Variants in RPS6KA2 observed in about 807,000 individuals in gnomAD.
RPS6KA2 encodes ribosomal protein S6 kinase A2, also known as ribosomal protein S6 kinase alpha-2.
A neutral mutation model predicts 91.8 loss-of-function variants in RPS6KA2; 42 were observed. The observed-to-expected ratio is 0.46, with a 90% CI of 0.36 to 0.59. The LOEUF is 0.59. Ranked by LOEUF, RPS6KA2 falls within the 20% of genes least tolerant of loss-of-function variation. The pLI is 0.00. For missense variants in RPS6KA2, 798 were observed against 978.5 expected, an observed-to-expected ratio of 0.82 and a Z score of 2.46; for synonymous variants, 414 against 393.6, an observed-to-expected ratio of 1.05 and a Z score of -0.61.
At chr6:166,771,671 A>G (rs1210771054) in intron 2 of RPS6KA2, among the ~76,000 whole-genome samples, 1 of 152,174 alleles carries the variant, frequency 6.6e-6, no homozygotes, top group Non-Finnish European at 1.5e-5. Context: ...GAAATATAAG[A>G]GATGAAGGAA....
chr6:166,750,620 C>T (rs965378134), intron 2 of RPS6KA2, among the ~76,000 whole-genome samples: 4 of 152,178 alleles, frequency 2.6e-5, no homozygotes, highest in Admixed American at 6.5e-5. Context: ...GGCTGAGGAC[C>T]GCAGGTGCCA....
At position 166,656,408 on chromosome 6, in the gene RPS6KA2, G is replaced by A. The variant is rs558690234; in HGVS notation, c.124-117624C>T. Among the ~76,000 whole-genome samples the A allele has an allele frequency of 9.6e-4, 146 of 152,302 alleles. 1 individual carries two copies. The South Asian group carries it at 0.027, about 28-fold the overall frequency. ...CGTCTTCCTCTGTGAAGGGTTGGGC[G>A]GGGGTGGAACTCGGTTCACCCCAGG... is the stretch of plus-strand genomic sequence containing the variant. On this transcript the variant is annotated intron_variant, in intron 2 of 21. Coordinates refer to the RPS6KA2 transcript ENST00000503859.
chr6:166,603,035 T>C lies in RPS6KA2; in HGVS notation c.99+23886A>G, dbSNP rs1310079513. ...AGGAACCCATTCTGCTTTCACCCTC[T>C]GGATGAGTTCATTCAAAGACTAAGA... On this transcript the variant is annotated intron_variant, in intron 1 of 20. Transcript: ENST00000265678. This position sits in a 1 kb window ranked among gnomAD's most constrained non-coding sequence, Gnocchi z 4.3. Among the ~76,000 whole-genome samples, 4 of 152,206 alleles carry C rather than the reference T, an allele frequency of 2.6e-5. No individual in the cohort carries two copies. The highest frequency in any genetic ancestry group is 9.6e-5 in the African/African-American group (4 of 41,456).
At position 166,598,673 on chromosome 6, in the gene RPS6KA2, T is replaced by C. The variant is rs532442847; in HGVS notation, c.99+28248A>G. Among the ~76,000 whole-genome samples, 28 of 152,334 alleles carry C rather than the reference T, an allele frequency of 1.8e-4. No individual in the cohort carries two copies. In the South Asian group the frequency reaches 5.2e-3, roughly 28 times the overall value. Reference sequence around the variant, plus strand: ...GCGCCTCTGTTTATACAACATTCTTTCCCGTTGCGTCAGGAATAGGAAGCC... The same window carrying C: ...GCGCCTCTGTTTATACAACATTCTTCCCCGTTGCGTCAGGAATAGGAAGCC... On this transcript the variant is annotated intron_variant, in intron 1 of 20. Coordinates refer to ENST00000265678, the MANE Select transcript of RPS6KA2 (RefSeq NM_021135.6).
intron 2 of RPS6KA2, among the ~76,000 whole-genome samples, chr6:166,685,964 G>A (rs1344381884): frequency 6.6e-6 from 1 of 152,214 alleles, no homozygotes; most frequent in Non-Finnish European, 1.5e-5. Flanking sequence ...GGGACAGAGG[G>A]CGAACGAAGG....
At position 166,775,405 on chromosome 6, in the gene RPS6KA2, C is replaced by T. The variant is rs545889166; in HGVS notation, c.123+82795G>A. On this transcript the variant is annotated intron_variant, in intron 2 of 21. Transcript: ENST00000503859. ...GAGGACACAGCAAGTGAGAACACTCCGAGGCGCGTGCAGCCAATGAAATCC... is the reference window on the plus strand; with the variant it reads ...GAGGACACAGCAAGTGAGAACACTCTGAGGCGCGTGCAGCCAATGAAATCC... 1.9e-4 allele frequency among the ~76,000 whole-genome samples: 29 copies of T among 152,214 alleles called. No individual in the cohort carries two copies. The East Asian group carries it at 5.6e-3, about 29-fold the overall frequency.
Position 166,448,760 on chromosome 6 carries a change from A to G in RPS6KA2, c.1296T>C (p.Cys432=). Residue 432 remains cysteine, a synonymous_variant, in exon 14 of 21, where the codon TGT becomes TGC. Coordinates refer to ENST00000265678, the MANE Select transcript of RPS6KA2 (RefSeq NM_021135.6). The surrounding 1 kb of genome is among the most constrained non-coding windows in gnomAD (Gnocchi z 4.7). Reference sequence around the variant, plus strand: ...ACTCGGTGTCTGTGGCTTTATGCACACATCGCTTGCACACTGAGTAGGAGC... The same window carrying G: ...ACTCGGTGTCTGTGGCTTTATGCACGCATCGCTTGCACACTGAGTAGGAGC... ...GVGSYSVCKR[C]VHKATDTEYA... 1 of 1,613,446 alleles carries G rather than the reference A, an allele frequency of 6.2e-7. No individual in the cohort carries two copies. Among genetic ancestry groups the G allele is most frequent in the Admixed American group, 1.7e-5 (1 of 59,878 alleles).
At position 166,639,718 on chromosome 6, in the gene RPS6KA2, G is replaced by A. The variant is rs532213845; in HGVS notation, c.124-100934C>T. Among the ~76,000 whole-genome samples the A allele has an allele frequency of 6.6e-6, 1 of 152,062 alleles. No homozygotes were observed. The highest frequency in any genetic ancestry group is 2.4e-5 in the African/African-American group (1 of 41,474). On this transcript the variant is annotated intron_variant, in intron 2 of 21. Coordinates refer to the RPS6KA2 transcript ENST00000503859. This position sits in a 1 kb window ranked among gnomAD's most constrained non-coding sequence, Gnocchi z 4.2. ...GTGGCCACGGCTGTCCTTCCTGCCCGCTCTGCCTCTGCCCACTGGCCACAT... is the reference window on the plus strand; with the variant it reads ...GTGGCCACGGCTGTCCTTCCTGCCCACTCTGCCTCTGCCCACTGGCCACAT...
At chr6:166,429,448 TA>T (rs1047088821) in intron 16 of RPS6KA2, among the ~76,000 whole-genome samples, 29 of 151,922 alleles carry the variant, frequency 1.9e-4, no homozygotes, top group African/African-American at 5.8e-4. Context: ...ATAATAAAAT[TA>T]AAAAAAAATT....
intron 2 of RPS6KA2, among the ~76,000 whole-genome samples, chr6:166,731,288 T>C (rs991769688): frequency 9.2e-5 from 14 of 152,170 alleles, no homozygotes; most frequent in Admixed American, 7.2e-4. Flanking sequence ...TGTTTTCCAA[T>C]GAAGAGGCAA....
chr6:166,438,467 A>C (rs1779415680), intron 14 of RPS6KA2, among the ~76,000 whole-genome samples: 1 of 152,204 alleles, frequency 6.6e-6, no homozygotes, highest in Non-Finnish European at 1.5e-5. Context: ...AGTTCTAAGG[A>C]TCTCACTTTA....
In RPS6KA2 at chr6:166,641,258, G is replaced by A. The variant is rs367894988; in HGVS notation, c.124-102474C>T. 5.4e-4 allele frequency among the ~76,000 whole-genome samples: 82 copies of A among 152,248 alleles called. 1 individual carries two copies. The South Asian group carries it at 0.013, about 23-fold the overall frequency. ...TTCCAAAATCAGACCTGTACAGATA[G>A]CAAAGGTTAGGAATTTGTATAAATA... On this transcript the variant is annotated intron_variant, in intron 2 of 21. Coordinates refer to the RPS6KA2 transcript ENST00000503859.
intron 10 of RPS6KA2, among the ~76,000 whole-genome samples, chr6:166,477,776 T>C (rs910656152): frequency 1.3e-5 from 2 of 152,090 alleles, no homozygotes; most frequent in Admixed American, 6.5e-5. Flanking sequence ...TCAGGTGTGG[T>C]TGTGCATGCC....
rs914664256 is a variant in RPS6KA2, at chr6:166,412,117, C to T, written c.*645G>A. ...CCAGCCTGCCTTCCTCTCGTCTGGGCTCTTACTCCTCATTTGAATCTGGGA... is the reference window on the plus strand; with the variant it reads ...CCAGCCTGCCTTCCTCTCGTCTGGGTTCTTACTCCTCATTTGAATCTGGGA... On this transcript the variant is annotated 3_prime_UTR_variant, in exon 21 of 21. Coordinates refer to ENST00000265678, the MANE Select transcript of RPS6KA2 (RefSeq NM_021135.6). The surrounding 1 kb of genome is among the most constrained non-coding windows in gnomAD (Gnocchi z 4.3). 3 of 152,578 alleles carry T rather than the reference C, an allele frequency of 2.0e-5. No individual in the cohort carries two copies. The highest frequency in any genetic ancestry group is 7.2e-5 in the African/African-American group (3 of 41,438). 9.5% of individuals were successfully genotyped at this position (152,578 alleles called of 1,614,324 possible).
rs114942947 is a variant in RPS6KA2, at chr6:166,835,185, C to T, written c.123+23015G>A. ...TACTTTTATGCCAATACTGTACTGT[C>T]TTGATGACCACATCACTGTAGTATA... On this transcript the variant is annotated intron_variant, in intron 2 of 21. Coordinates refer to the RPS6KA2 transcript ENST00000503859. Among the ~76,000 whole-genome samples, 1,186 of 152,290 alleles carry T rather than the reference C, an allele frequency of 7.8e-3. 15 individuals are homozygous for T. The highest frequency in any genetic ancestry group is 0.027 in the African/African-American group (1,133 of 41,556).
At position 166,499,585 on chromosome 6, in the gene RPS6KA2, TCTC is replaced by T. The variant is rs1346686792; in HGVS notation, c.605-938_605-936del. On this transcript the variant is annotated intron_variant, in intron 7 of 20. Transcript: ENST00000265678. Reference sequence around the variant, plus strand: ...ATCTGATGGTTTTATACAGGGCAGTTCTCCTGCACATGCTCTCTCTTTGCCTGC... The same window carrying T: ...ATCTGATGGTTTTATACAGGGCAGTTCTGCACATGCTCTCTCTTTGCCTGC... 2.0e-5 allele frequency among the ~76,000 whole-genome samples: 3 copies of T among 152,296 alleles called. No individual in the cohort carries two copies. The South Asian group carries it at 6.2e-4, about 32-fold the overall frequency.
chr6:166,643,975 A>C (rs12202785), intron 2 of RPS6KA2, among the ~76,000 whole-genome samples: 23,293 of 152,226 alleles, frequency 0.15, 1,809 homozygotes, highest in East Asian at 0.19. Flanking sequence ...ATCTACTTAG[A>C]ACAAATATTT....
In RPS6KA2 at chr6:166,412,776, A is replaced by C. The variant is rs1302492538; in HGVS notation, c.2188T>G (p.Ser730Ala). 2 of 1,598,834 alleles carry C rather than the reference A, an allele frequency of 1.3e-6. No individual in the cohort carries two copies. The highest frequency in any genetic ancestry group is 2.3e-5 in the East Asian group (1 of 44,292). The change falls in exon 21 of 21, where the codon TCC (serine) becomes GCC (alanine). Residue 730 changes from serine to alanine, a missense_variant. By Grantham distance (99) the Ser-to-Ala change is moderately conservative (BLOSUM62 1). Coordinates refer to ENST00000265678, the MANE Select transcript of RPS6KA2 (RefSeq NM_021135.6). This position sits in a 1 kb window ranked among gnomAD's most constrained non-coding sequence, Gnocchi z 4.3. The stretch of plus-strand genomic sequence containing the variant: ...GGTCCCACCCGCTACAGCCGCGTGG[A>C]CGTGAGTCTCTTCATGCCTCTGCGC... ...AQRRGMKRLTSTRL is the reference protein window; with the variant it reads ...AQRRGMKRLTATRL
intron 1 of RPS6KA2, among the ~76,000 whole-genome samples, chr6:166,609,452 T>C (rs180947387): frequency 1.4e-4 from 21 of 152,256 alleles, no homozygotes; most frequent in Middle Eastern, 3.4e-3. Flanking sequence ...TTGGTACTTA[T>C]ATCAATGACT....
Sources: allele counts gnomAD v4.1 joint callset (sites outside exome capture counted in the v4.1 genomes callset), GRCh38; gene constraint gnomAD v4.1.1; non-coding constraint Gnocchi (gnomAD v3.1); transcripts MANE v1.5; gene names NCBI Gene and HGNC (gene_info 2026-07-23, HGNC 2026-07-21).